Variants in BATF3 observed in about 807,000 individuals in gnomAD.
BATF3 encodes basic leucine zipper ATF-like transcription factor 3, also known as basic leucine zipper transcriptional factor ATF-like 3.
In BATF3, 8 loss-of-function variants were observed where a neutral mutation model predicts 16.1. The ratio of observed to expected loss-of-function variants is 0.50; its 90% CI spans 0.29 to 0.90. The LOEUF (loss-of-function observed/expected upper bound fraction) is 0.90. Among genes scored for constraint, BATF3 ranks in the 40% least tolerant of loss-of-function variants. The pLI is 0.08. For synonymous variants in BATF3, 74 were observed against 72.7 expected, an observed-to-expected ratio of 1.02 and a Z score of -0.09; for missense variants, 139 against 167.0, an observed-to-expected ratio of 0.83 and a Z score of 0.92.
intron 1 of BATF3, among the ~76,000 whole-genome samples, chr1:212,698,923 T>C (rs1299732314): frequency 6.6e-6 from 1 of 152,200 alleles, no homozygotes; most frequent in African/African-American, 2.4e-5. Context: ...TCAGCCTGTG[T>C]GTGGCAAAGC....
chr1:212,695,230 T>C (rs1037537214), intron 2 of BATF3, among the ~76,000 whole-genome samples: 8 of 152,092 alleles, frequency 5.3e-5, no homozygotes, highest in Admixed American at 6.6e-5. Flanking sequence ...GCGCAGTGGC[T>C]CACACCTGTA....
rs761856032 is a variant in BATF3 at position 212,686,787 on chromosome 1, G to A, written c.*4C>T. On this transcript the variant is annotated 3_prime_UTR_variant, in exon 3 of 3. Transcript: ENST00000243440. ...CCTTGCTGGGCAGAGGAGTGTCCCC[G>A]GCTTCATCGGGGCAAGCAGCCGGCC... 2.3e-4 allele frequency: 364 copies of A among 1,609,510 alleles called. 1 individual carries two copies. Among genetic ancestry groups the A allele is most frequent in the Middle Eastern group, 1.6e-3 (9 of 5,672 alleles).
chr1:212,691,287 C>T (rs987983548), intron 2 of BATF3, among the ~76,000 whole-genome samples: 3 of 152,188 alleles, frequency 2.0e-5, no homozygotes, highest in African/African-American at 7.2e-5. Context: ...CACACAGACC[C>T]CATTTCACAA....
At chr1:212,693,870 G>A (rs566057586) in intron 2 of BATF3, among the ~76,000 whole-genome samples, 1 of 152,156 alleles carries the variant, frequency 6.6e-6, no homozygotes, top group East Asian at 1.9e-4. Context: ...CAGCATAATC[G>A]ATTCACTCCT....
rs186099974 is a variant in BATF3, at chr1:212,697,038, G to A, written c.118C>T (p.Arg40Ter). Residue 40 changes from arginine to a stop codon, truncating the protein, a stop_gained, in exon 2 of 3, where the codon CGA becomes TGA. Transcript: ENST00000243440. LOFTEE classifies it high-confidence loss of function. Reference sequence around the variant, plus strand: ...GCAACTCGGTTTTTTTCTCTCCTTCGGACCTTCCTGTCATCATCCTCAGGG... The same window carrying A: ...GCAACTCGGTTTTTTTCTCTCCTTCAGACCTTCCTGTCATCATCCTCAGGG... ...QSPEDDDRKV[R>*]RREKNRVAAQ... is the part of the protein sequence containing the mutation. The A allele has an allele frequency of 1.2e-6, 2 of 1,614,010 alleles. No individual in the cohort carries two copies. Among genetic ancestry groups the A allele is most frequent in the Non-Finnish European group, 1.7e-6 (2 of 1,179,984 alleles).
chr1:212,686,630 G>A lies in BATF3; in HGVS notation c.*161C>T. ...TGAGTTTGGCGCCTGTTGGATGTCG[G>A]GCTGAGCCCAGTCTGCAGGGAACAC... On this transcript the variant is annotated 3_prime_UTR_variant, in exon 3 of 3. Transcript: ENST00000243440. 1 of 1,250,634 alleles carries A rather than the reference G, an allele frequency of 8.0e-7. No homozygotes were observed. Among genetic ancestry groups the A allele is most frequent in the Non-Finnish European group, 1.1e-6 (1 of 934,438 alleles). 77.5% of individuals were successfully genotyped at this position (1,250,634 alleles called of 1,614,324 possible).
rs1014766549 is a variant in BATF3 at position 212,689,787 on chromosome 1, TCACA to T, written c.196-2812_196-2809del. Reference sequence around the variant, plus strand: ...CACTCACACACGTCCGCAAACACACTCACACACTCTCATACACAGCCCGACACAC... The same window carrying T: ...CACTCACACACGTCCGCAAACACACTCACTCTCATACACAGCCCGACACAC... On this transcript the variant is annotated intron_variant, in intron 2 of 2. Transcript: ENST00000243440. This position sits in a 1 kb window ranked among gnomAD's most constrained non-coding sequence, Gnocchi z 4.6. Among the ~76,000 whole-genome samples, 1 of 147,432 alleles carries T rather than the reference TCACA, an allele frequency of 6.8e-6. No individual in the cohort carries two copies.
rs1043810681 is a variant in BATF3, at chr1:212,697,136, C to G, written c.91-71G>C. ...TACCCTTTTCTGCCCTGTCTCATCA[C>G]TCAGCGTTGTTCACTGAGCTTCATC... On this transcript the variant is annotated intron_variant, in intron 1 of 2. Transcript: ENST00000243440. The G allele has an allele frequency of 2.2e-5, 27 of 1,243,512 alleles. No homozygotes were observed. In the Admixed American group the frequency reaches 4.6e-4, roughly 21 times the overall value. The allele number at this position is 1,243,512 out of a possible 1,614,324, so 77.0% of individuals were successfully genotyped here. A position where few individuals can be genotyped will look rare whatever the true frequency, so the allele number is the denominator to read the frequency against.
At chr1:212,691,992 A>C (rs1657009628) in intron 2 of BATF3, among the ~76,000 whole-genome samples, 2 of 152,252 alleles carry the variant, frequency 1.3e-5, no homozygotes, top group Admixed American at 1.3e-4. Context: ...GTCTACAGAC[A>C]CACGTTAAGA....
chr1:212,695,339 G>A (rs549645850), intron 2 of BATF3, among the ~76,000 whole-genome samples: 25 of 151,580 alleles, frequency 1.6e-4, no homozygotes, highest in Middle Eastern at 6.8e-3. Context: ...CTAAAAATAC[G>A]AAAAATTAGG....
rs1303204886 is a variant in BATF3 at position 212,689,358 on chromosome 1, T to G, written c.196-2379A>C. On this transcript the variant is annotated intron_variant, in intron 2 of 2. Transcript: ENST00000243440. This position sits in a 1 kb window ranked among gnomAD's most constrained non-coding sequence, Gnocchi z 4.6. ...AACCAAGGGGTCTGGCGGGGCTGCC[T>G]GTAGGGTCTATCTGAGCCATTCCCC... Among the ~76,000 whole-genome samples the G allele has an allele frequency of 6.6e-6, 1 of 152,108 alleles. No homozygotes were observed. Among genetic ancestry groups the G allele is most frequent in the Non-Finnish European group, 1.5e-5 (1 of 67,996 alleles).
At chr1:212,688,702 T>C (rs916349622) in intron 2 of BATF3, among the ~76,000 whole-genome samples, 2 of 152,216 alleles carry the variant, frequency 1.3e-5, no homozygotes, top group African/African-American at 2.4e-5. Flanking sequence ...CTACAAAAAA[T>C]AGCCAATGGC....
rs950747373 is a variant in BATF3, at chr1:212,699,677, TGCTGCG to T, written c.80_85del (p.Pro27_Gln28del). ...CCTGAGCCTCTCGCCCTCTACCTGC[TGCTGCG>T]GCTGCGGCTGCGGCTGGTTCCCGGG... On this transcript the variant is annotated inframe_deletion, in exon 1 of 3. Transcript: ENST00000243440. The surrounding 1 kb of genome is among the most constrained non-coding windows in gnomAD (Gnocchi z 4.4). 64 of 1,340,896 alleles carry T rather than the reference TGCTGCG, an allele frequency of 4.8e-5. No homozygotes were observed. The highest frequency in any genetic ancestry group is 7.4e-5 in the South Asian group (4 of 53,922). The allele number at this position is 1,340,896 out of a possible 1,614,324, so 83.1% of individuals were successfully genotyped here.
At chr1:212,694,921 G>A (rs2884573) in intron 2 of BATF3, among the ~76,000 whole-genome samples, 15,574 of 152,182 alleles carry the variant, frequency 0.1, 995 homozygotes, top group Middle Eastern at 0.19. Flanking sequence ...AATTTATATC[G>A]GAAGGTCACC....
rs1656957164 is a variant in BATF3 at position 212,689,847 on chromosome 1, CCACAGACACACACACAGATACA to C, written c.196-2890_196-2869del. 1.3e-5 allele frequency among the ~76,000 whole-genome samples: 2 copies of C among 148,598 alleles called. No homozygotes were observed. Among genetic ancestry groups the C allele is most frequent in the Non-Finnish European group, 3.0e-5 (2 of 67,090 alleles). On this transcript the variant is annotated intron_variant, in intron 2 of 2. Coordinates refer to ENST00000243440, the MANE Select transcript of BATF3 (RefSeq NM_018664.3). The surrounding 1 kb of genome is among the most constrained non-coding windows in gnomAD (Gnocchi z 4.6). ...CTCACACACACACACTCATACACAA[CCACAGACACACACACAGATACA>C]CACAGTCACACACACATCTGCAAAC...
chr1:212,696,423 G>GGTGTGTGTGT lies in BATF3; in HGVS notation c.195+528_195+537dup, dbSNP rs139095900. ...GCTGCAATGGGAGCAGTTTCTGTAG[G>GGTGTGTGTGT]GTGTGTGTGTGTGTGTGTGTGTGTG... On this transcript the variant is annotated intron_variant, in intron 2 of 2. Transcript: ENST00000243440. Among the ~76,000 whole-genome samples the GGTGTGTGTGT allele has an allele frequency of 1.6e-3, 244 of 148,594 alleles. 1 individual carries two copies. Among genetic ancestry groups the GGTGTGTGTGT allele is most frequent in the Middle Eastern group, 0.01 (3 of 288 alleles).
rs748383719 is a variant in BATF3 at position 212,696,957 on chromosome 1, T to C, written c.195+4A>G. 6.2e-7 allele frequency: 1 copy of C among 1,613,810 alleles called. No homozygotes were observed. The highest frequency in any genetic ancestry group is 1.1e-5 in the South Asian group (1 of 91,070). On this transcript the variant is annotated splice_donor_region_variant and intron_variant, in intron 2 of 2. Transcript: ENST00000243440. ...AAGGTGGCTTGCCCCTACCACGGTC[T>C]CACCTCATGGAGCTTGTCAGCCTTC...
At chr1:212,698,903 T>G (rs1657192599) in intron 1 of BATF3, 1 of 152,294 alleles carries the variant, frequency 6.6e-6, no homozygotes, top group Admixed American at 6.5e-5. Flanking sequence ...AACAAATTGC[T>G]CAAGGCTGCT....
chr1:212,696,967 G>C lies in BATF3; in HGVS notation c.189C>G (p.Leu63=). ...GCCCCTACCACGGTCTCACCTCATG[G>C]AGCTTGTCAGCCTTCTGGGTCTGCT... The part of the protein sequence containing the change: ...RKKQTQKADK[L]HEEYESLEQE... Residue 63 remains leucine, a synonymous_variant, in exon 2 of 3, where the codon CTC becomes CTG. Coordinates refer to ENST00000243440, the MANE Select transcript of BATF3 (RefSeq NM_018664.3). 1 of 1,614,132 alleles carries C rather than the reference G, an allele frequency of 6.2e-7. No homozygotes were observed.
Sources: gnomAD v4.1 joint callset for allele counts (sites outside exome capture counted in the v4.1 genomes callset) on GRCh38, gnomAD v4.1.1 for gene constraint, Gnocchi (gnomAD v3.1) non-coding constraint, MANE v1.5 for transcripts, NCBI Gene and HGNC (gene_info 2026-07-23, HGNC 2026-07-21) for gene names.